Variants in MYO1E observed in about 807,000 individuals in gnomAD.
MYO1E encodes unconventional myosin-Ie.
Under a neutral mutation model 151.1 loss-of-function variants are expected in MYO1E, and 68 were observed. That is an observed-to-expected ratio of 0.45 (90% CI 0.37 to 0.55). The LOEUF is 0.55. Among genes scored for constraint, MYO1E ranks in the 20% least tolerant of loss-of-function variants. The probability of loss-of-function intolerance (pLI) is 0.00; values close to 1 mark genes in which losing one functional copy is unlikely to be tolerated. For missense variants in MYO1E, 1,363 were observed against 1,389.3 expected (o/e 0.98, Z 0.30); for synonymous variants, 601 against 501.7 (o/e 1.20, Z -2.64).
At chr15:59,322,634 G>C (rs1365470549) in intron 1 of MYO1E, among the ~76,000 whole-genome samples, 1 of 152,124 alleles carries the variant, frequency 6.6e-6, no homozygotes, top group Non-Finnish European at 1.5e-5. Flanking sequence ...CTGCTTACCT[G>C]GCTATTTTAA....
At chr15:59,339,850 TTTG>T (rs1207557167) in intron 1 of MYO1E, among the ~76,000 whole-genome samples, 3 of 80,772 alleles carry the variant, frequency 3.7e-5, no homozygotes, top group Non-Finnish European at 7.3e-5. Context: ...CATACTTTTT[TTTG>T]TTTTTTTTTT....
chr15:59,174,258 A>G lies in MYO1E; in HGVS notation c.2050-18T>C, dbSNP rs372489128. 4 of 1,572,476 alleles carry G rather than the reference A, an allele frequency of 2.5e-6. No homozygotes were observed. The highest frequency in any genetic ancestry group is 3.5e-6 in the Non-Finnish European group (4 of 1,142,556). Reference sequence around the variant, plus strand: ...AGAAATAGCTGTGAATGGAGAGAAGACAAATGTGAGCCAAGCCCCAAGCCC... The same window carrying G: ...AGAAATAGCTGTGAATGGAGAGAAGGCAAATGTGAGCCAAGCCCCAAGCCC... On this transcript the variant is annotated intron_variant, in intron 19 of 27. Coordinates refer to ENST00000288235, the MANE Select transcript of MYO1E (RefSeq NM_004998.4).
Position 59,197,688 on chromosome 15 carries a change from C to T in MYO1E, c.1699-2121G>A, listed in dbSNP as rs201801884. Among the ~76,000 whole-genome samples the T allele has an allele frequency of 7.2e-5, 11 of 152,312 alleles. No homozygotes were observed. The East Asian group carries it at 1.7e-3, about 24-fold the overall frequency. ...GCCTGTTCTTTGGCAACAATCCTAT[C>T]CTGCCTTGCTGACAAAGAGATGGGA... On this transcript the variant is annotated intron_variant, in intron 16 of 27. Transcript: ENST00000288235.
At chr15:59,197,569 A>G (rs1407773969) in intron 16 of MYO1E, among the ~76,000 whole-genome samples, 1 of 152,206 alleles carries the variant, frequency 6.6e-6, no homozygotes, top group Non-Finnish European at 1.5e-5. Flanking sequence ...TTTAGATGAG[A>G]AAGCTGGGCC....
In MYO1E at chr15:59,208,724, T is replaced by A; in HGVS notation, c.1487A>T (p.Asn496Ile). 6.2e-7 allele frequency: 1 copy of A among 1,614,228 alleles called. No individual in the cohort carries two copies. The highest frequency in any genetic ancestry group is 8.5e-7 in the Non-Finnish European group (1 of 1,180,040). ...QMQIGSHEHF[N>I]SWNQGFIIHH... ...AATGATGAAGCCTTGGTTCCAACTGTTGAAGTGCTCATGACTCCCAATCTG... is the reference window on the plus strand; with the variant it reads ...AATGATGAAGCCTTGGTTCCAACTGATGAAGTGCTCATGACTCCCAATCTG... The change falls in exon 14 of 28, where the codon AAC (asparagine) becomes ATC (isoleucine). Residue 496 changes from asparagine (N) to isoleucine (I), a missense_variant. Coordinates refer to ENST00000288235, the MANE Select transcript of MYO1E (RefSeq NM_004998.4).
At chr15:59,316,530 A>T (rs1475381995) in intron 1 of MYO1E, among the ~76,000 whole-genome samples, 1 of 152,252 alleles carries the variant, frequency 6.6e-6, no homozygotes, top group Non-Finnish European at 1.5e-5. Flanking sequence ...AATGGAAATG[A>T]ATAAAAGCCA....
chr15:59,257,450 G>C (rs1413757042), intron 3 of MYO1E, among the ~76,000 whole-genome samples: 1 of 152,226 alleles, frequency 6.6e-6, no homozygotes, highest in African/African-American at 2.4e-5. Context: ...CAAGCTGCAA[G>C]TCTCACAGTG....
In MYO1E at chr15:59,350,942, G is replaced by T. The variant is rs931932925; in HGVS notation, c.3+21556C>A. ...GACGGAGTCTCGCTCTGTCACCCAG[G>T]CTGGCGTGCAGTGGCGCGATCTCGG... On this transcript the variant is annotated intron_variant, in intron 1 of 27. Transcript: ENST00000288235. This position sits in a 1 kb window ranked among gnomAD's most constrained non-coding sequence, Gnocchi z 5.0. Among the ~76,000 whole-genome samples the T allele has an allele frequency of 2.6e-4, 39 of 152,222 alleles. No homozygotes were observed. The highest frequency in any genetic ancestry group is 9.2e-4 in the African/African-American group (38 of 41,454).
At chr15:59,219,583 G>C (rs906390086) in intron 9 of MYO1E, among the ~76,000 whole-genome samples, 6 of 152,320 alleles carry the variant, frequency 3.9e-5, no homozygotes, top group Non-Finnish European at 8.8e-5. Flanking sequence ...GCCAGAACAA[G>C]ACATTTATCC....
At chr15:59,323,843 A>T (rs1416337831) in intron 1 of MYO1E, among the ~76,000 whole-genome samples, 1 of 152,008 alleles carries the variant, frequency 6.6e-6, no homozygotes, top group Non-Finnish European at 1.5e-5. Context: ...GCTGCCCATA[A>T]GAGCCCCTGG....
rs71119441 is a variant in MYO1E, at chr15:59,209,815, C to CTT, written c.1362+697_1362+698dup. Among the ~76,000 whole-genome samples the CTT allele has an allele frequency of 5.2e-3, 261 of 49,860 alleles. 54 individuals carry two copies. The highest frequency in any genetic ancestry group is 0.019 in the African/African-American group (188 of 9,970). 32.7% of individuals were successfully genotyped at this position (49,860 alleles called of 152,430 possible). A position where few individuals can be genotyped will look rare whatever the true frequency, so the allele number is the denominator to read the frequency against. On this transcript the variant is annotated intron_variant, in intron 13 of 27. Transcript: ENST00000288235. ...CTGTATCACTTTTATTTTGAATCAC[C>CTT]TTTTTTTTTTTTTTTTTTTTTTTTT...
intron 23 of MYO1E, among the ~76,000 whole-genome samples, chr15:59,162,309 T>C (rs1256136366): frequency 6.6e-6 from 1 of 152,170 alleles, no homozygotes; most frequent in African/African-American, 2.4e-5. Context: ...GTCAACAGTA[T>C]GCCAGCCAGT....
chr15:59,187,185 A>G (rs1157650825), intron 18 of MYO1E, among the ~76,000 whole-genome samples: 1 of 152,252 alleles, frequency 6.6e-6, no homozygotes, highest in African/African-American at 2.4e-5. Flanking sequence ...ATGAATACTT[A>G]TGGCTACTGA....
At chr15:59,167,949 G>A (rs2079571565) in intron 22 of MYO1E, among the ~76,000 whole-genome samples, 1 of 152,126 alleles carries the variant, frequency 6.6e-6, no homozygotes, top group Non-Finnish European at 1.5e-5. Flanking sequence ...AAAGTGCTGG[G>A]ATTACAGGTG....
intron 26 of MYO1E, among the ~76,000 whole-genome samples, chr15:59,148,822 C>A (rs1173764201): frequency 6.6e-6 from 1 of 152,152 alleles, no homozygotes; most frequent in African/African-American, 2.4e-5. Context: ...TTTCCAACTT[C>A]TAGTTGGATT....
intron 13 of MYO1E, among the ~76,000 whole-genome samples, chr15:59,209,301 T>A (rs1336874666): frequency 1.3e-5 from 2 of 152,246 alleles, no homozygotes; most frequent in Admixed American, 6.5e-5. Context: ...TTTATAAGCA[T>A]TCCTCATGTT....
Position 59,234,144 on chromosome 15 carries a change from T to C in MYO1E, c.421-2353A>G, listed in dbSNP as rs555357704. Among the ~76,000 whole-genome samples, 11 of 152,112 alleles carry C rather than the reference T, an allele frequency of 7.2e-5. No individual in the cohort carries two copies. The South Asian group carries it at 1.2e-3, about 17-fold the overall frequency. ...GGACCCTTCACTCTGCAACCTTAGT[T>C]TGCTCTTTCTCTTTTCCCTGATATG... On this transcript the variant is annotated intron_variant, in intron 5 of 27. Transcript: ENST00000288235.
chr15:59,242,985 G>A (rs1203372013), intron 4 of MYO1E, among the ~76,000 whole-genome samples: 1 of 152,064 alleles, frequency 6.6e-6, no homozygotes, highest in Non-Finnish European at 1.5e-5. Flanking sequence ...AGAGAAGCAG[G>A]AAGATGCATG....
intron 1 of MYO1E, among the ~76,000 whole-genome samples, chr15:59,338,832 C>T (rs902618444): frequency 1.3e-5 from 2 of 152,074 alleles, no homozygotes; most frequent in South Asian, 4.1e-4. Flanking sequence ...AAGAGTGCAC[C>T]CTATAAATAA....
Sources: allele counts gnomAD v4.1 joint callset (sites outside exome capture counted in the v4.1 genomes callset), GRCh38; gene constraint gnomAD v4.1.1; non-coding constraint Gnocchi (gnomAD v3.1); transcripts MANE v1.5; gene names NCBI Gene and HGNC (gene_info 2026-07-23, HGNC 2026-07-21).